TRPM7: variants seen among roughly 807,000 people sequenced by gnomAD.
TRPM7 encodes LTRPC ion channel family member 7.
In TRPM7, 134 loss-of-function variants were observed where a neutral mutation model predicts 229.7. The observed-to-expected ratio is 0.58, with a 90% CI of 0.51 to 0.67. TRPM7 has a LOEUF of 0.67. Among genes scored for constraint, TRPM7 ranks in the 30% least tolerant of loss-of-function variants. TRPM7 has a pLI of 0.00. For synonymous variants in TRPM7, 699 were observed against 715.2 expected (o/e 0.98, Z 0.36); for missense variants, 1,901 against 2,210.0 (o/e 0.86, Z 2.80).
At chr15:50,685,581 C>A (rs1411099020) in intron 1 of TRPM7, among the ~76,000 whole-genome samples, 1 of 152,150 alleles carries the variant, frequency 6.6e-6, no homozygotes, top group African/African-American at 2.4e-5. Context: ...CTTGAATTAG[C>A]GTCCAGTGAA....
chr15:50,661,677 T>C (rs2061727861), intron 2 of TRPM7, among the ~76,000 whole-genome samples: 1 of 152,210 alleles, frequency 6.6e-6, no homozygotes, highest in Non-Finnish European at 1.5e-5. Context: ...GTAAAAACTG[T>C]CTATTTAGCT....
chr15:50,654,114 T>A (rs967612089), intron 3 of TRPM7, among the ~76,000 whole-genome samples: 6 of 152,074 alleles, frequency 3.9e-5, no homozygotes, highest in African/African-American at 1.4e-4. Context: ...AACTGAACAC[T>A]CCTTACAGGA....
chr15:50,621,972 T>C (rs1346725010), intron 12 of TRPM7, among the ~76,000 whole-genome samples: 4 of 151,824 alleles, frequency 2.6e-5, no homozygotes, highest in South Asian at 2.1e-4. Flanking sequence ...GGAGGTCGCA[T>C]TGAGCCAAGA....
At chr15:50,619,641 T>C (rs568138746) in intron 13 of TRPM7, 104 bp downstream of exon 13, 63 of 977,326 alleles carry the variant, frequency 6.4e-5, no homozygotes, top group Non-Finnish European at 8.8e-5. Context: ...TGTAATTTTA[T>C]TGGTATTTCT....
chr15:50,614,800 G>A (rs1350251791), intron 13 of TRPM7, among the ~76,000 whole-genome samples: 1 of 151,936 alleles, frequency 6.6e-6, no homozygotes, highest in Non-Finnish European at 1.5e-5. Flanking sequence ...TCTCAAAGGT[G>A]TGCCCTGAGA....
At chr15:50,629,755 T>C (rs1045373584) in intron 10 of TRPM7, among the ~76,000 whole-genome samples, 5 of 151,834 alleles carry the variant, frequency 3.3e-5, no homozygotes, top group Non-Finnish European at 4.4e-5. Context: ...ATCTGACTTG[T>C]AGGAATAAAA....
intron 16 of TRPM7, 110 bp downstream of exon 16, chr15:50,612,439 G>T: frequency 1.2e-6 from 1 of 867,536 alleles, no homozygotes; most frequent in Non-Finnish European, 1.7e-6. Flanking sequence ...GTACCAATAA[G>T]ATTATACATA....
At chr15:50,625,172 T>A (rs939196636) in intron 11 of TRPM7, among the ~76,000 whole-genome samples, 5 of 152,324 alleles carry the variant, frequency 3.3e-5, no homozygotes, top group African/African-American at 7.2e-5. Context: ...GTATATTTTT[T>A]AATATTTTGT....
chr15:50,576,716 C>A (rs1388717607), intron 31 of TRPM7, among the ~76,000 whole-genome samples: 5 of 152,136 alleles, frequency 3.3e-5, no homozygotes, highest in South Asian at 2.1e-4. Context: ...TGATTCTCTA[C>A]AAATGATTTG....
chr15:50,571,523 A>C (rs2053885246), intron 36 of TRPM7, among the ~76,000 whole-genome samples: 1 of 152,190 alleles, frequency 6.6e-6, no homozygotes, highest in African/African-American at 2.4e-5. Flanking sequence ...GCAGCTTACT[A>C]AAGAAATAAC....
At chr15:50,561,851 G>T in intron 38 of TRPM7, 43 bp from the exon 39 acceptor site, 1 of 1,459,672 alleles carries the variant, frequency 6.9e-7, no homozygotes, top group Non-Finnish European at 9.1e-7. Flanking sequence ...AAAAGAAAGA[G>T]AAAAGAAAAA....
chr15:50,676,243 G>A (rs2062090806), intron 1 of TRPM7, among the ~76,000 whole-genome samples: 1 of 152,060 alleles, frequency 6.6e-6, no homozygotes, highest in Admixed American at 6.6e-5. Flanking sequence ...AGCAAAAATT[G>A]GGGGAAAAAA....
intron 22 of TRPM7, 72 bp downstream of exon 22, chr15:50,599,050 T>C: frequency 8.5e-7 from 1 of 1,171,674 alleles, no homozygotes; most frequent in Non-Finnish European, 1.2e-6. Context: ...ATATGCAATA[T>C]TACTATAATT....
At chr15:50,597,008 A>G (rs2059650824) in intron 22 of TRPM7, among the ~76,000 whole-genome samples, 1 of 152,184 alleles carries the variant, frequency 6.6e-6, no homozygotes, top group African/African-American at 2.4e-5. Flanking sequence ...TCAGCCTCCC[A>G]AAGTGCTGGG....
At chr15:50,668,122 C>T (rs2061922148) in intron 1 of TRPM7, among the ~76,000 whole-genome samples, 2 of 152,100 alleles carry the variant, frequency 1.3e-5, no homozygotes, top group African/African-American at 4.8e-5. Context: ...TGATCCTCTT[C>T]GAAAGGTGGT....
rs536036279 is a variant in TRPM7 at position 50,662,083 on chromosome 15, G to A, written c.83+884C>T. 2.3e-4 allele frequency among the ~76,000 whole-genome samples: 35 copies of A among 152,182 alleles called. No homozygotes were observed. The East Asian group carries it at 4.3e-3, about 18-fold the overall frequency. ...AAATACAAAAACTAGGGCTGGGCGC[G>A]GTGGCTCACGCCTGTAATCCCAGCA... On this transcript the variant is annotated intron_variant, in intron 2 of 38. Coordinates refer to ENST00000646667, the MANE Select transcript of TRPM7 (RefSeq NM_017672.6).
At chr15:50,650,557 T>C (rs2061394470) in intron 3 of TRPM7, among the ~76,000 whole-genome samples, 1 of 151,844 alleles carries the variant, frequency 6.6e-6, no homozygotes, top group Non-Finnish European at 1.5e-5. Context: ...TAACTAGGCA[T>C]GGTGGCGTAC....
chr15:50,566,363 T>G (rs963974998), intron 38 of TRPM7, among the ~76,000 whole-genome samples: 152 of 152,042 alleles, frequency 1.0e-3, no homozygotes, highest in African/African-American at 3.6e-3. Flanking sequence ...GCTAAAACAA[T>G]GCTTAGAGGG....
chr15:50,645,411 A>G (rs1477267851), intron 4 of TRPM7, among the ~76,000 whole-genome samples: 1 of 151,936 alleles, frequency 6.6e-6, no homozygotes, highest in Non-Finnish European at 1.5e-5. Context: ...CCAGGCTGGA[A>G]TGCCTCCCGG....
Sources: allele counts gnomAD v4.1 joint callset (sites outside exome capture counted in the v4.1 genomes callset), GRCh38; gene constraint gnomAD v4.1.1; transcripts MANE v1.5; gene names NCBI Gene and HGNC (gene_info 2026-07-23, HGNC 2026-07-21).